Variants in CHL1 observed in about 807,000 individuals in gnomAD.
CHL1 encodes the protein cell adhesion molecule L1 like, also known as neural cell adhesion molecule L1-like protein.
Under a neutral mutation model 141.9 loss-of-function variants are expected in CHL1, and 96 were observed. The observed-to-expected ratio is 0.68, with a 90% CI of 0.57 to 0.80. The LOEUF is 0.80. Ranked by LOEUF, CHL1 falls within the 30% of genes least tolerant of loss-of-function variation. The probability of loss-of-function intolerance (pLI) is 0.00; values close to 1 mark genes in which losing one functional copy is unlikely to be tolerated. For missense variants in CHL1, 1,820 were observed against 1,457.2 expected (o/e 1.25, Z -4.05); for synonymous variants, 613 against 502.2 (o/e 1.22, Z -2.95).
intron 7 of CHL1, 48 bp from the exon 8 acceptor site, chr3:342,936 G>T: frequency 1.4e-6 from 2 of 1,454,896 alleles, no homozygotes; most frequent in South Asian, 1.2e-5. Context: ...ATTGATATCA[G>T]CATCCACCAT....
intron 1 of CHL1, among the ~76,000 whole-genome samples, chr3:200,829 G>C (rs1289748639): frequency 6.6e-6 from 1 of 152,162 alleles, no homozygotes; most frequent in African/African-American, 2.4e-5. Flanking sequence ...AATTAGATAT[G>C]CTGCTTTCTT....
chr3:347,601 T>C (rs896322747), intron 9 of CHL1, among the ~76,000 whole-genome samples: 2 of 152,174 alleles, frequency 1.3e-5, no homozygotes, highest in Non-Finnish European at 1.5e-5. Flanking sequence ...TTGCTGAAAG[T>C]GAGTTACTTG....
rs199842662 is a variant in CHL1 at position 382,690 on chromosome 3, C to G, written c.2176+19C>G. ...CCAGCAGGTATGCAGGTTCTCACAT[C>G]AGGTTTCTAACAAAATATTTGTTTG... is the stretch of plus-strand genomic sequence containing the variant. On this transcript the variant is annotated intron_variant, in intron 18 of 27. Transcript: ENST00000256509. 5.1e-4 allele frequency: 822 copies of G among 1,604,232 alleles called. 2 individuals are homozygous for G. Among genetic ancestry groups the G allele is most frequent in the Non-Finnish European group, 6.6e-4 (777 of 1,171,382 alleles).
chr3:197,986 C>G (rs1257076960), intron 1 of CHL1: 7 of 362,504 alleles, frequency 1.9e-5, no homozygotes, highest in Admixed American at 1.0e-4. Flanking sequence ...CCCCTCCGTT[C>G]CCACTCTCCG....
At chr3:332,217 A>G (rs1701495379) in intron 5 of CHL1, among the ~76,000 whole-genome samples, 1 of 152,240 alleles carries the variant, frequency 6.6e-6, no homozygotes, top group Non-Finnish European at 1.5e-5. Flanking sequence ...CATACCAAAA[A>G]TACTATTCAA....
intron 2 of CHL1, among the ~76,000 whole-genome samples, chr3:259,245 A>G (rs1015529349): frequency 6.6e-5 from 10 of 151,708 alleles, no homozygotes; most frequent in African/African-American, 1.9e-4. Flanking sequence ...TAATAAAAGT[A>G]TGTGTATCTG....
Position 258,793 on chromosome 3 carries a change from A to G in CHL1, c.-95+14101A>G, listed in dbSNP as rs1240616053. Among the ~76,000 whole-genome samples, 4 of 152,138 alleles carry G rather than the reference A, an allele frequency of 2.6e-5. No homozygotes were observed. In the East Asian group the frequency reaches 7.7e-4, roughly 29 times the overall value. On this transcript the variant is annotated intron_variant, in intron 2 of 27. Transcript: ENST00000256509. Reference sequence around the variant, plus strand: ...GACAATTGCATCTCTTGTTCTAGATATCATACTTCTTTATCCATACCCTAA... The same window carrying G: ...GACAATTGCATCTCTTGTTCTAGATGTCATACTTCTTTATCCATACCCTAA...
chr3:232,207 G>A (rs1333987258), intron 1 of CHL1, among the ~76,000 whole-genome samples: 1 of 152,104 alleles, frequency 6.6e-6, no homozygotes, highest in Admixed American at 6.6e-5. Flanking sequence ...TCTGTGTATT[G>A]GCATGTCATT....
chr3:292,389 T>A (rs549195925), intron 2 of CHL1, among the ~76,000 whole-genome samples: 7 of 152,316 alleles, frequency 4.6e-5, no homozygotes, highest in African/African-American at 1.7e-4. Flanking sequence ...TATTTTTACT[T>A]ATGGAAAGCA....
intron 2 of CHL1, chr3:247,882 A>G (rs1279719023): frequency 6.6e-6 from 1 of 152,144 alleles, no homozygotes; most frequent in Non-Finnish European, 1.5e-5. Context: ...CTCTTCAGCA[A>G]TGATGCTACC....
At chr3:197,507 G>A (rs1231854534) in intron 1 of CHL1, 8 of 226,892 alleles carry the variant, frequency 3.5e-5, no homozygotes, top group South Asian at 3.2e-4. Flanking sequence ...GTCAGTCCCG[G>A]CCTCTGTCTC....
chr3:224,475 G>T (rs1229945890), intron 1 of CHL1, among the ~76,000 whole-genome samples: 1 of 152,124 alleles, frequency 6.6e-6, no homozygotes, highest in Non-Finnish European at 1.5e-5. Context: ...CTGTCCTCGT[G>T]ATATAGAGTG....
At chr3:269,948 G>A (rs1343293887) in intron 2 of CHL1, among the ~76,000 whole-genome samples, 1 of 152,178 alleles carries the variant, frequency 6.6e-6, no homozygotes, top group Non-Finnish European at 1.5e-5. Flanking sequence ...GAAGCTGGAG[G>A]AAGGTGGGAT....
At chr3:262,584 A>G (rs1694823392) in intron 2 of CHL1, among the ~76,000 whole-genome samples, 1 of 152,076 alleles carries the variant, frequency 6.6e-6, no homozygotes. Flanking sequence ...CTCACAGGGC[A>G]GGATTCACAC....
chr3:220,674 A>G (rs1172333424), intron 1 of CHL1, among the ~76,000 whole-genome samples: 2 of 152,212 alleles, frequency 1.3e-5, no homozygotes, highest in Non-Finnish European at 2.9e-5. Flanking sequence ...CTTGGGCAAC[A>G]TAGTGAGATC....
At chr3:224,618 C>G (rs1264311410) in intron 1 of CHL1, among the ~76,000 whole-genome samples, 1 of 152,096 alleles carries the variant, frequency 6.6e-6, no homozygotes, top group African/African-American at 2.4e-5. Context: ...CTCCCTAATG[C>G]TCACCCAGAA....
chr3:273,154 A>G (rs549088282), intron 2 of CHL1, among the ~76,000 whole-genome samples: 2 of 152,190 alleles, frequency 1.3e-5, no homozygotes, highest in African/African-American at 4.8e-5. Flanking sequence ...ACAAACAGTG[A>G]GGAGGTGGGA....
At chr3:267,012 T>A (rs1232524366) in intron 2 of CHL1, among the ~76,000 whole-genome samples, 2 of 152,218 alleles carry the variant, frequency 1.3e-5, no homozygotes, top group East Asian at 1.9e-4. Flanking sequence ...TTTACCTGCA[T>A]AATTTGTCCT....
intron 1 of CHL1, among the ~76,000 whole-genome samples, chr3:222,530 G>A (rs571477615): frequency 6.6e-5 from 10 of 152,262 alleles, no homozygotes; most frequent in African/African-American, 2.4e-4. Context: ...GGAAATATAG[G>A]TAATTCCTTT....
Sources: gnomAD v4.1 joint callset for allele counts (sites outside exome capture counted in the v4.1 genomes callset) on GRCh38, gnomAD v4.1.1 for gene constraint, MANE v1.5 for transcripts, NCBI Gene and HGNC (gene_info 2026-07-23, HGNC 2026-07-21) for gene names.